Variants in DSCAML1 observed in about 807,000 individuals in gnomAD.
DSCAML1 encodes DS cell adhesion molecule like 1.
A neutral mutation model predicts 200.5 loss-of-function variants in DSCAML1; 38 were observed. That is an observed-to-expected ratio of 0.19 (90% confidence interval 0.15 to 0.25). DSCAML1 has a LOEUF of 0.25. Among genes scored for constraint, DSCAML1 ranks in the 10% least tolerant of loss-of-function variants. DSCAML1 has a pLI of 1.00. For synonymous variants in DSCAML1, 1,215 were observed against 1,165.0 expected, an observed-to-expected ratio of 1.04 and a Z score of -0.87; for missense variants, 2,223 against 2,858.8, an observed-to-expected ratio of 0.78 and a Z score of 5.07.
chr11:117,480,678 G>A lies in DSCAML1; in HGVS notation c.2657-107C>T. On this transcript the variant is annotated intron_variant, in intron 13 of 32. Coordinates refer to ENST00000651296, the MANE Select transcript of DSCAML1 (RefSeq NM_020693.4). This position sits in a 1 kb window ranked among gnomAD's most constrained non-coding sequence, Gnocchi z 4.1. ...CACCTGGGTCTAGCCAAGGACTCTGGCACCCTAGGGTTTGAGCAGGGTGGG... is the reference window on the plus strand; with the variant it reads ...CACCTGGGTCTAGCCAAGGACTCTGACACCCTAGGGTTTGAGCAGGGTGGG... 7.4e-7 allele frequency: 1 copy of A among 1,347,574 alleles called. No homozygotes were observed. Among genetic ancestry groups the A allele is most frequent in the Non-Finnish European group, 1.0e-6 (1 of 985,030 alleles). The allele number at this position is 1,347,574 out of a possible 1,614,324, so 83.5% of individuals were successfully genotyped here. A position where few individuals can be genotyped will look rare whatever the true frequency, so the allele number is the denominator to read the frequency against.
intron 3 of DSCAML1, among the ~76,000 whole-genome samples, chr11:117,613,372 A>G (rs2051736783): frequency 6.6e-6 from 1 of 152,160 alleles, no homozygotes; most frequent in Non-Finnish European, 1.5e-5. Context: ...GTGAATTATG[A>G]CAACAAAGGT....
chr11:117,717,126 T>C (rs1293518170), intron 3 of DSCAML1, among the ~76,000 whole-genome samples: 1 of 152,182 alleles, frequency 6.6e-6, no homozygotes, highest in African/African-American at 2.4e-5. Context: ...GAAACCACCC[T>C]GGGACAAAGC....
chr11:117,461,180 C>G (rs574824705), intron 18 of DSCAML1, among the ~76,000 whole-genome samples: 1 of 151,914 alleles, frequency 6.6e-6, no homozygotes, highest in Admixed American at 6.6e-5. Flanking sequence ...ACCAGAGATG[C>G]CACCCTAGGT....
chr11:117,635,904 TC>T (rs2052273072), intron 3 of DSCAML1, among the ~76,000 whole-genome samples: 1 of 152,080 alleles, frequency 6.6e-6, no homozygotes, highest in Non-Finnish European at 1.5e-5. Context: ...GAGGTCCAGG[TC>T]ATATAAAGGA....
Position 117,435,741 on chromosome 11 carries a change from G to C in DSCAML1, c.4779C>G (p.Phe1593Leu). The C allele has an allele frequency of 6.2e-7, 1 of 1,613,602 alleles. No individual in the cohort carries two copies. The highest frequency in any genetic ancestry group is 8.5e-7 in the Non-Finnish European group (1 of 1,179,518). ...CCAGGATGACAGGGCAGCCGATGGT[G>C]AACAGCTTCTTCACATCATCCCCTT... ...QGEGDDVKKLFTIGCPVILAT... is the reference protein window; with the variant it reads ...QGEGDDVKKLLTIGCPVILAT... Residue 1593 changes from phenylalanine (F) to leucine (L), a missense_variant, in exon 27 of 33, where the codon TTC becomes TTG. Physicochemically the swap from Phe to Leu is conservative, Grantham distance 22. This residue lies in a region of DSCAML1 where 614 missense variants were observed against 739.1 expected (regional missense o/e 0.83). Transcript: ENST00000651296.
chr11:117,594,478 G>A (rs952529359), intron 3 of DSCAML1, among the ~76,000 whole-genome samples: 5 of 152,236 alleles, frequency 3.3e-5, no homozygotes, highest in African/African-American at 7.2e-5. Flanking sequence ...AGCAATGCAC[G>A]CACACCTGTG....
intron 1 of DSCAML1, among the ~76,000 whole-genome samples, chr11:117,794,552 C>G (rs71480357): frequency 0.013 from 1,951 of 152,200 alleles, 22 homozygotes; most frequent in Non-Finnish European, 0.02. Context: ...GTTTTCTTCT[C>G]TCTCTCCCTG....
At chr11:117,706,858 G>C (rs923718453) in intron 3 of DSCAML1, among the ~76,000 whole-genome samples, 1 of 152,168 alleles carries the variant, frequency 6.6e-6, no homozygotes, top group African/African-American at 2.4e-5. Context: ...AGGAGTTCAC[G>C]AACCACAGGT....
chr11:117,759,731 A>T (rs1363303257), intron 3 of DSCAML1, among the ~76,000 whole-genome samples: 1 of 78,170 alleles, frequency 1.3e-5, no homozygotes, highest in African/African-American at 3.0e-5. Context: ...AGCTACAGGG[A>T]GCAGTGAAAA....
chr11:117,725,692 C>T (rs1251112397), intron 3 of DSCAML1, among the ~76,000 whole-genome samples: 1 of 151,400 alleles, frequency 6.6e-6, no homozygotes, highest in Non-Finnish European at 1.5e-5. Context: ...GCCGGGCCTC[C>T]CAGGGCCTAG....
chr11:117,714,887 C>T (rs7930469), intron 3 of DSCAML1, among the ~76,000 whole-genome samples: 131,396 of 147,698 alleles, frequency 0.89, 59,042 homozygotes, highest in Non-Finnish European at 0.96. Context: ...CACACGATGA[C>T]GCAGCTGGAA....
chr11:117,568,010 A>C (rs947530974), intron 3 of DSCAML1, among the ~76,000 whole-genome samples: 2 of 151,862 alleles, frequency 1.3e-5, no homozygotes, highest in African/African-American at 4.8e-5. Context: ...CAGCACATCA[A>C]AAAGCTTATC....
At chr11:117,579,266 CACTT>C (rs1262147154) in intron 3 of DSCAML1, among the ~76,000 whole-genome samples, 1 of 152,224 alleles carries the variant, frequency 6.6e-6, no homozygotes, top group East Asian at 1.9e-4. Flanking sequence ...CTTGCCATAA[CACTT>C]ACAAGCAAAT....
At chr11:117,815,164 G>A (rs1258036777) in intron 1 of DSCAML1, among the ~76,000 whole-genome samples, 1 of 152,220 alleles carries the variant, frequency 6.6e-6, no homozygotes, top group East Asian at 1.9e-4. Context: ...GGGCTGTGGG[G>A]GTGTATCCAG....
intron 3 of DSCAML1, among the ~76,000 whole-genome samples, chr11:117,661,519 G>A (rs2052850978): frequency 6.6e-6 from 1 of 152,156 alleles, no homozygotes; most frequent in African/African-American, 2.4e-5. Context: ...CGTAACTAGA[G>A]GGGAAGGATA....
intron 14 of DSCAML1, among the ~76,000 whole-genome samples, chr11:117,479,656 T>G (rs2048868210): frequency 6.6e-6 from 1 of 151,916 alleles, no homozygotes. Context: ...GGGCTTTTTT[T>G]GTTTTTTTTT....
chr11:117,518,829 C>T lies in DSCAML1; in HGVS notation c.1214-67G>A, dbSNP rs1245110463. 42 of 1,517,416 alleles carry T rather than the reference C, an allele frequency of 2.8e-5. No homozygotes were observed. Among genetic ancestry groups the T allele is most frequent in the Non-Finnish European group, 1.8e-6 (2 of 1,139,200 alleles). 94.0% of individuals were successfully genotyped at this position (1,517,416 alleles called of 1,614,324 possible). On this transcript the variant is annotated intron_variant, in intron 6 of 32. Coordinates refer to ENST00000651296, the MANE Select transcript of DSCAML1 (RefSeq NM_020693.4). The surrounding 1 kb of genome is among the most constrained non-coding windows in gnomAD (Gnocchi z 6.3). The stretch of plus-strand genomic sequence containing the variant: ...GGAGAGACGGTCCCCCCAGCCACCC[C>T]ACCTCAGCAGGGGAGGAGGCAAAAA...
intron 4 of DSCAML1, among the ~76,000 whole-genome samples, chr11:117,526,556 T>A (rs148092485): frequency 0.021 from 3,208 of 152,300 alleles, 52 homozygotes; most frequent in Non-Finnish European, 0.033. Context: ...TCTCACTCTG[T>A]CACCCAGGCT....
At chr11:117,641,948 C>T (rs1397009132) in intron 3 of DSCAML1, among the ~76,000 whole-genome samples, 1 of 152,162 alleles carries the variant, frequency 6.6e-6, no homozygotes, top group Admixed American at 6.5e-5. Context: ...TGGTACACAC[C>T]TGGTAAGTGG....
Sources: allele counts gnomAD v4.1 joint callset (sites outside exome capture counted in the v4.1 genomes callset), GRCh38; gene constraint gnomAD v4.1.1; regional missense constraint gnomAD v4.1.1; non-coding constraint Gnocchi (gnomAD v3.1); transcripts MANE v1.5; gene names NCBI Gene and HGNC (gene_info 2026-07-23, HGNC 2026-07-21).